The following AFF3 variants were observed in gnomAD, a reference collection of about 807,000 sequenced individuals.
AFF3 encodes ALF transcription elongation factor 3.
AFF3 carries 32 observed loss-of-function variants against 129.7 expected under a neutral mutation model. That is an observed-to-expected ratio of 0.25 (90% CI 0.19 to 0.33). The LOEUF is 0.33. AFF3 is among the 10% of genes least tolerant of loss of function. AFF3 has a pLI of 1.00. For synonymous variants in AFF3, 644 were observed against 635.4 expected, an observed-to-expected ratio of 1.01 and a Z score of -0.20; for missense variants, 1,373 against 1,592.0, an observed-to-expected ratio of 0.86 and a Z score of 2.34.
rs1208558304 is a variant in AFF3, at chr2:100,058,611, C to T, written c.53+45791G>A. 2.0e-5 allele frequency among the ~76,000 whole-genome samples: 3 copies of T among 151,916 alleles called. No individual in the cohort carries two copies. The East Asian group carries it at 5.8e-4, about 29-fold the overall frequency. On this transcript the variant is annotated intron_variant, in intron 4 of 24. Transcript: ENST00000672756. ...CTAGCCATGTATACACACTGTATAG[C>T]CTCTACCAAAATTACATACCACTTA...
At chr2:99,629,861 T>C (rs548182475) in intron 13 of AFF3, among the ~76,000 whole-genome samples, 89 of 152,256 alleles carry the variant, frequency 5.8e-4, no homozygotes, top group Non-Finnish European at 8.2e-4. Flanking sequence ...ATCCTACCCT[T>C]ATGACCTCAC....
At chr2:99,598,620 TAGCAGGATGTTAC>T (rs1351070958) in intron 14 of AFF3, among the ~76,000 whole-genome samples, 1 of 152,218 alleles carries the variant, frequency 6.6e-6, no homozygotes, top group African/African-American at 2.4e-5. Context: ...CCTACGCCCA[TAGCAGGATGTTAC>T]AGCAGGGGAG....
chr2:99,569,439 G>A (rs1676279367), intron 18 of AFF3, among the ~76,000 whole-genome samples: 1 of 152,156 alleles, frequency 6.6e-6, no homozygotes, highest in African/African-American at 2.4e-5. Context: ...AAGAGGTAAT[G>A]TTGGATGATT....
In AFF3 at chr2:99,550,998, G is replaced by A. The variant is rs1674363728; in HGVS notation, c.*476C>T. On this transcript the variant is annotated 3_prime_UTR_variant, in exon 25 of 25. Transcript: ENST00000672756. The stretch of plus-strand genomic sequence containing the variant: ...ATACTGAAAGTAATCAACAGTATAA[G>A]AGCAGGTCCATCTTCACTGGCAGTC... 1 of 393,306 alleles carries A rather than the reference G, an allele frequency of 2.5e-6. No homozygotes were observed. The highest frequency in any genetic ancestry group is 4.5e-6 in the Non-Finnish European group (1 of 221,848). The allele number at this position is 393,306 out of a possible 1,614,324, so 24.4% of individuals were successfully genotyped here. A position where few individuals can be genotyped will look rare whatever the true frequency, so the allele number is the denominator to read the frequency against.
chr2:99,963,122 A>G (rs899059009), intron 7 of AFF3, among the ~76,000 whole-genome samples: 1 of 152,112 alleles, frequency 6.6e-6, no homozygotes, highest in African/African-American at 2.4e-5. Context: ...CATGGTGGCC[A>G]GAAAAAATGT....
At chr2:99,964,180 C>A (rs1425402645) in intron 7 of AFF3, among the ~76,000 whole-genome samples, 1 of 152,062 alleles carries the variant, frequency 6.6e-6, no homozygotes, top group African/African-American at 2.4e-5. Context: ...AAATACCCTA[C>A]TTTCAGTAAT....
chr2:100,123,649 T>C (rs1215691965), intron 2 of AFF3, among the ~76,000 whole-genome samples: 3 of 152,130 alleles, frequency 2.0e-5, no homozygotes, highest in Non-Finnish European at 4.4e-5. Flanking sequence ...ATTTTGACTC[T>C]TAGAAATCTC....
intron 11 of AFF3, chr2:99,707,184 A>G (rs1677480356): frequency 3.0e-6 from 3 of 985,274 alleles, no homozygotes; most frequent in Non-Finnish European, 3.6e-6. Flanking sequence ...TAAAATTCCA[A>G]AGGTTATTCT....
intron 8 of AFF3, among the ~76,000 whole-genome samples, chr2:99,784,078 G>A (rs925773733): frequency 6.6e-6 from 1 of 152,216 alleles, no homozygotes; most frequent in African/African-American, 2.4e-5. Context: ...ATGCCTTGCC[G>A]AGAGGCCAGT....
At chr2:99,697,327 G>A (rs1159922273) in intron 11 of AFF3, among the ~76,000 whole-genome samples, 3 of 152,220 alleles carry the variant, frequency 2.0e-5, no homozygotes, top group African/African-American at 7.2e-5. Flanking sequence ...CCCAACTTCT[G>A]CCCATCACTG....
chr2:99,669,423 G>A (rs1686960721), intron 12 of AFF3, among the ~76,000 whole-genome samples: 1 of 151,728 alleles, frequency 6.6e-6, no homozygotes, highest in African/African-American at 2.4e-5. Flanking sequence ...CAACATGGGT[G>A]ACTCTCATAA....
chr2:99,800,870 T>C (rs1486248797), intron 8 of AFF3, among the ~76,000 whole-genome samples: 1 of 152,024 alleles, frequency 6.6e-6, no homozygotes, highest in Non-Finnish European at 1.5e-5. Context: ...TCTAGGAAAA[T>C]GCAGACTCAC....
At chr2:99,923,246 A>G (rs1333687147) in intron 7 of AFF3, among the ~76,000 whole-genome samples, 1 of 152,208 alleles carries the variant, frequency 6.6e-6, no homozygotes, top group Non-Finnish European at 1.5e-5. Flanking sequence ...GGATCTATTC[A>G]GACCATACTG....
chr2:100,107,613 C>T, intron 2 of AFF3: 1 of 653,256 alleles, frequency 1.5e-6, no homozygotes. Context: ...CTGAATCAAA[C>T]CACCCAGCTA....
intron 11 of AFF3, among the ~76,000 whole-genome samples, chr2:99,724,944 G>C (rs1035543650): frequency 6.6e-6 from 1 of 152,004 alleles, no homozygotes; most frequent in African/African-American, 2.4e-5. Context: ...GGGTTTAAAA[G>C]TAATTCCTCA....
intron 11 of AFF3, among the ~76,000 whole-genome samples, chr2:99,679,498 T>C (rs1674330758): frequency 6.6e-6 from 1 of 152,194 alleles, no homozygotes; most frequent in African/African-American, 2.4e-5. Flanking sequence ...CAGTCTCATT[T>C]GGGAAACCTG....
chr2:99,968,782 A>T (rs1462570004), intron 7 of AFF3, among the ~76,000 whole-genome samples: 1 of 152,238 alleles, frequency 6.6e-6, no homozygotes, highest in Admixed American at 6.5e-5. Context: ...GCTTCCGGCT[A>T]GAAGGTGCAT....
At chr2:99,842,530 A>T (rs1456621188) in intron 7 of AFF3, among the ~76,000 whole-genome samples, 1 of 152,134 alleles carries the variant, frequency 6.6e-6, no homozygotes, top group Non-Finnish European at 1.5e-5. Flanking sequence ...AACCCACCTC[A>T]TTTTCCTATC....
chr2:99,577,886 A>C (rs1677149601), intron 18 of AFF3, among the ~76,000 whole-genome samples: 1 of 152,218 alleles, frequency 6.6e-6, no homozygotes, highest in Admixed American at 6.5e-5. Flanking sequence ...TATAAGAATC[A>C]TTTATACTAT....
Sources: allele counts gnomAD v4.1 joint callset (sites outside exome capture counted in the v4.1 genomes callset), GRCh38; gene constraint gnomAD v4.1.1; transcripts MANE v1.5; gene names NCBI Gene and HGNC (gene_info 2026-07-23, HGNC 2026-07-21).